INPP4B: variants seen among roughly 807,000 people sequenced by gnomAD.
INPP4B encodes inositol polyphosphate 4-phosphatase type II.
In INPP4B, 55 loss-of-function variants were observed where a neutral mutation model predicts 122.5. That is an observed-to-expected ratio of 0.45 (90% CI 0.36 to 0.56). The LOEUF (loss-of-function observed/expected upper bound fraction) is 0.56, where lower values mean the gene tolerates loss of function less well. Among genes scored for constraint, INPP4B ranks in the 20% least tolerant of loss-of-function variants. The pLI is 0.00. For missense variants in INPP4B, 1,000 were observed against 1,097.7 expected (o/e 0.91, Z 1.26); for synonymous variants, 403 against 388.7 (o/e 1.04, Z -0.43).
chr4:142,229,239 G>A (rs1170794240), intron 12 of INPP4B, among the ~76,000 whole-genome samples: 1 of 151,952 alleles, frequency 6.6e-6, no homozygotes, highest in Non-Finnish European at 1.5e-5. Flanking sequence ...AACATCATAT[G>A]ACCATTACAA....
chr4:142,066,602 G>A (rs549764628), intron 25 of INPP4B, among the ~76,000 whole-genome samples: 2 of 152,290 alleles, frequency 1.3e-5, no homozygotes, highest in African/African-American at 4.8e-5. Context: ...AAGGTACCTG[G>A]AAAATCGGGA....
intron 2 of INPP4B, among the ~76,000 whole-genome samples, chr4:142,626,266 AG>A (rs1234162113): frequency 6.6e-6 from 1 of 152,144 alleles, no homozygotes; most frequent in Admixed American, 6.6e-5. Flanking sequence ...CCCCATGGTT[AG>A]GTTAATAATC....
At chr4:142,701,088 A>G (rs1761699204) in intron 2 of INPP4B, among the ~76,000 whole-genome samples, 1 of 152,100 alleles carries the variant, frequency 6.6e-6, no homozygotes, top group African/African-American at 2.4e-5. Context: ...TGGAGCCCCA[A>G]GAAAGTAGGA....
At chr4:142,552,142 G>A (rs1728123247) in intron 2 of INPP4B, among the ~76,000 whole-genome samples, 1 of 152,138 alleles carries the variant, frequency 6.6e-6, no homozygotes. Flanking sequence ...GAGTAAGGAG[G>A]CTCTTTGAAA....
At chr4:142,228,685 GA>G (rs1179730304) in intron 12 of INPP4B, among the ~76,000 whole-genome samples, 19 of 151,432 alleles carry the variant, frequency 1.3e-4, no homozygotes, top group Admixed American at 1.3e-3. Context: ...AAGTACAATA[GA>G]AAAAATACAC....
chr4:142,305,996 T>C (rs1275875494), intron 8 of INPP4B: 2 of 861,552 alleles, frequency 2.3e-6, no homozygotes, highest in South Asian at 5.1e-5. Flanking sequence ...GTACAAGTTA[T>C]AAATAGAAAT....
intron 1 of INPP4B, among the ~76,000 whole-genome samples, chr4:142,783,848 T>C (rs1289544439): frequency 6.6e-6 from 1 of 152,050 alleles, no homozygotes; most frequent in African/African-American, 2.4e-5. Context: ...AAATAGTGAA[T>C]GTAGAGCAGG....
At chr4:142,597,899 T>G (rs1474607976) in intron 2 of INPP4B, among the ~76,000 whole-genome samples, 2 of 152,132 alleles carry the variant, frequency 1.3e-5, no homozygotes, top group Non-Finnish European at 2.9e-5. Flanking sequence ...ATTGTAGAAT[T>G]GTCACTATTC....
chr4:142,332,522 TA>T (rs561001114), intron 7 of INPP4B, among the ~76,000 whole-genome samples: 21 of 150,908 alleles, frequency 1.4e-4, no homozygotes, highest in Admixed American at 5.9e-4. Context: ...CATATATAGT[TA>T]AAAAAAAAGT....
chr4:142,146,346 A>T (rs948636445), intron 17 of INPP4B, among the ~76,000 whole-genome samples: 1 of 152,164 alleles, frequency 6.6e-6, no homozygotes, highest in Non-Finnish European at 1.5e-5. Flanking sequence ...AAGCAAACAC[A>T]CACCAACATT....
At chr4:142,412,262 C>T (rs1475991864) in intron 5 of INPP4B, among the ~76,000 whole-genome samples, 5 of 152,104 alleles carry the variant, frequency 3.3e-5, no homozygotes, top group African/African-American at 1.2e-4. Context: ...ATATATAGAG[C>T]ACTTAAAAAG....
chr4:142,729,223 C>G (rs933708260), intron 1 of INPP4B, among the ~76,000 whole-genome samples: 6 of 152,192 alleles, frequency 3.9e-5, no homozygotes, highest in African/African-American at 1.4e-4. Flanking sequence ...CACCACTCAT[C>G]TCCCACTGTG....
intron 18 of INPP4B, among the ~76,000 whole-genome samples, chr4:142,144,222 T>TACACACACACAC (rs35496129): frequency 6.9e-6 from 1 of 144,940 alleles, no homozygotes; most frequent in Non-Finnish European, 1.5e-5. Context: ...AAATACAAGA[T>TACACACACACAC]ACACACACAC....
At chr4:142,700,304 A>C (rs1761565339) in intron 2 of INPP4B, among the ~76,000 whole-genome samples, 1 of 152,240 alleles carries the variant, frequency 6.6e-6, no homozygotes, top group South Asian at 2.1e-4. Flanking sequence ...CAATGAAGGC[A>C]CCAAATTTAA....
At chr4:142,495,022 A>G (rs1452457844) in intron 2 of INPP4B, among the ~76,000 whole-genome samples, 2 of 152,190 alleles carry the variant, frequency 1.3e-5, no homozygotes, top group Non-Finnish European at 2.9e-5. Context: ...GTGGAAGGAT[A>G]GCTTGGAAAG....
intron 7 of INPP4B, among the ~76,000 whole-genome samples, chr4:142,358,595 C>A (rs903299302): frequency 1.3e-5 from 2 of 150,432 alleles, no homozygotes; most frequent in Non-Finnish European, 3.0e-5. Context: ...TAGGCTATAC[C>A]CCGGAATGAT....
chr4:142,543,044 T>C (rs905546900), intron 2 of INPP4B, among the ~76,000 whole-genome samples: 1 of 152,284 alleles, frequency 6.6e-6, no homozygotes. Context: ...GGAAATATCA[T>C]ACTTCCAGGT....
At chr4:142,700,398 T>C (rs1761578996) in intron 2 of INPP4B, among the ~76,000 whole-genome samples, 1 of 152,232 alleles carries the variant, frequency 6.6e-6, no homozygotes, top group African/African-American at 2.4e-5. Flanking sequence ...ATATGGTTTT[T>C]ATAATTCTTT....
At chr4:142,562,620 T>C (rs887450020) in intron 2 of INPP4B, among the ~76,000 whole-genome samples, 5 of 151,946 alleles carry the variant, frequency 3.3e-5, no homozygotes, top group Non-Finnish European at 5.9e-5. Flanking sequence ...GAAAACAAAA[T>C]TGTCCAGTTC....
Sources: gnomAD v4.1 joint callset for allele counts (sites outside exome capture counted in the v4.1 genomes callset) on GRCh38, gnomAD v4.1.1 for gene constraint, MANE v1.5 for transcripts, NCBI Gene and HGNC (gene_info 2026-07-23, HGNC 2026-07-21) for gene names.